The following SH3RF3 variants were observed in gnomAD, a reference collection of about 807,000 sequenced individuals.
SH3RF3 encodes SH3 domain containing ring finger 3.
In SH3RF3, 29 loss-of-function variants were observed where a neutral mutation model predicts 66.3. The ratio of observed to expected loss-of-function variants is 0.44; its 90% confidence interval spans 0.33 to 0.60. SH3RF3 has a LOEUF of 0.60. Ranked by LOEUF, SH3RF3 falls within the 20% of genes least tolerant of loss-of-function variation. The pLI is 0.04. For synonymous variants in SH3RF3, 583 were observed against 532.0 expected, an observed-to-expected ratio of 1.10 and a Z score of -1.32; for missense variants, 1,194 against 1,190.9, an observed-to-expected ratio of 1.00 and a Z score of -0.04.
intron 4 of SH3RF3, among the ~76,000 whole-genome samples, chr2:109,403,967 G>A (rs1326703448): frequency 1.3e-5 from 2 of 152,176 alleles, no homozygotes; most frequent in Non-Finnish European, 2.9e-5. Flanking sequence ...TGTTGGCTGT[G>A]GTGGCTCTTT....
intron 2 of SH3RF3, among the ~76,000 whole-genome samples, chr2:109,356,188 C>G (rs1490336827): frequency 1.3e-5 from 2 of 152,246 alleles, no homozygotes; most frequent in African/African-American, 2.4e-5. Context: ...GAGTGGCTGA[C>G]TTCCTGCACC....
At chr2:109,335,768 T>A (rs946479196) in intron 1 of SH3RF3, among the ~76,000 whole-genome samples, 1 of 152,210 alleles carries the variant, frequency 6.6e-6, no homozygotes, top group African/African-American at 2.4e-5. Flanking sequence ...TCCGATTTGC[T>A]GACTAACTGC....
chr2:109,129,929 G>T lies in SH3RF3; in HGVS notation c.389G>T (p.Ser130Ile), dbSNP rs914024688. ...GIRQRPRAGT[S>I]PGGSPPARPI... is the part of the protein sequence containing the mutation. ...CGTCAGCGGCCCCGCGCGGGCACCA[G>T]CCCCGGCGGCAGCCCGCCCGCGCGT... The change falls in exon 1 of 10, where the codon AGC becomes ATC. Residue 130 changes from serine to isoleucine, a missense_variant. Coordinates refer to ENST00000309415, the MANE Select transcript of SH3RF3 (RefSeq NM_001099289.3). 87 of 1,484,672 alleles carry T rather than the reference G, an allele frequency of 5.9e-5. No individual in the cohort carries two copies. The highest frequency in any genetic ancestry group is 7.6e-5 in the Non-Finnish European group (85 of 1,124,370). The allele number at this position is 1,484,672 out of a possible 1,614,324, so 92.0% of individuals were successfully genotyped here.
At chr2:109,384,466 A>G (rs769351242) in intron 3 of SH3RF3, among the ~76,000 whole-genome samples, 6 of 151,926 alleles carry the variant, frequency 3.9e-5, no homozygotes, top group Admixed American at 2.0e-4. Context: ...GAGGGACTCT[A>G]AGCCAGGGTG....
intron 1 of SH3RF3, among the ~76,000 whole-genome samples, chr2:109,252,789 G>T (rs1261547983): frequency 1.3e-5 from 2 of 152,172 alleles, no homozygotes; most frequent in Admixed American, 6.5e-5. Context: ...GTATAATAAA[G>T]TGTTGAATAT....
intron 9 of SH3RF3, among the ~76,000 whole-genome samples, chr2:109,500,225 T>C (rs1165458591): frequency 6.6e-6 from 1 of 152,092 alleles, no homozygotes; most frequent in Non-Finnish European, 1.5e-5. Flanking sequence ...CAAGTTGTTA[T>C]AGGCAGAGGT....
intron 1 of SH3RF3, among the ~76,000 whole-genome samples, chr2:109,253,929 C>A (rs1680155923): frequency 6.6e-6 from 1 of 151,962 alleles, no homozygotes; most frequent in African/African-American, 2.4e-5. Context: ...TCTTTAATTC[C>A]CCTTCCACAG....
In SH3RF3 at chr2:109,348,720, G is replaced by T. The variant is rs78184762; in HGVS notation, c.849+771G>T. ...AGAGGCTTTGTAACTTATCCAGGCT[G>T]CTTGCTGGGTCCTCTCTCCCTCCTG... is the stretch of plus-strand genomic sequence containing the variant. On this transcript the variant is annotated intron_variant, in intron 2 of 9. Transcript: ENST00000309415. Among the ~76,000 whole-genome samples, 1,319 of 152,210 alleles carry T rather than the reference G, an allele frequency of 8.7e-3. 12 individuals are homozygous for T. The highest frequency in any genetic ancestry group is 0.043 in the East Asian group (220 of 5,154).
intron 1 of SH3RF3, among the ~76,000 whole-genome samples, chr2:109,194,811 G>A (rs974077464): frequency 3.9e-5 from 6 of 152,240 alleles, no homozygotes; most frequent in East Asian, 1.9e-4. Context: ...TTCACAGGAC[G>A]AAAAGATTGA....
At chr2:109,201,829 T>G (rs1293506236) in intron 1 of SH3RF3, among the ~76,000 whole-genome samples, 2 of 152,206 alleles carry the variant, frequency 1.3e-5, no homozygotes, top group Non-Finnish European at 2.9e-5. Context: ...GTTATTTAAA[T>G]GGGGCATAGT....
At chr2:109,142,045 G>T (rs190487081) in intron 1 of SH3RF3, among the ~76,000 whole-genome samples, 1 of 147,582 alleles carries the variant, frequency 6.8e-6, no homozygotes, top group Non-Finnish European at 1.5e-5. Context: ...GAGTCTCCTG[G>T]GGGGGGGGTC....
At chr2:109,255,138 G>C (rs565362750) in intron 1 of SH3RF3, among the ~76,000 whole-genome samples, 31 of 152,270 alleles carry the variant, frequency 2.0e-4, no homozygotes, top group African/African-American at 6.5e-4. Flanking sequence ...GTGTGTGTCT[G>C]TGTGTGTACA....
rs900487658 is a variant in SH3RF3 at position 109,189,665 on chromosome 2, CT to C, written c.573+59553del. The stretch of plus-strand genomic sequence containing the variant: ...ATTCTCTGTTTTAAAAATTTACCCC[CT>C]ATCAATTTAATGTATTGTGTAATAA... On this transcript the variant is annotated intron_variant, in intron 1 of 9. Transcript: ENST00000309415. Among the ~76,000 whole-genome samples, 6 of 152,150 alleles carry C rather than the reference CT, an allele frequency of 3.9e-5. No homozygotes were observed. The South Asian group carries it at 8.3e-4, about 21-fold the overall frequency.
At chr2:109,424,910 G>A (rs1676988835) in intron 5 of SH3RF3, among the ~76,000 whole-genome samples, 1 of 152,204 alleles carries the variant, frequency 6.6e-6, no homozygotes, top group South Asian at 2.1e-4. Context: ...AGTTAGAAAT[G>A]ATTAAGCTTG....
At chr2:109,233,818 A>G (rs1163175945) in intron 1 of SH3RF3, among the ~76,000 whole-genome samples, 1 of 152,170 alleles carries the variant, frequency 6.6e-6, no homozygotes, top group Non-Finnish European at 1.5e-5. Flanking sequence ...GTAGCTCTTG[A>G]GTCTGGCTTC....
At chr2:109,338,433 T>C (rs767041478) in intron 1 of SH3RF3, among the ~76,000 whole-genome samples, 1 of 142,316 alleles carries the variant, frequency 7.0e-6, no homozygotes, top group Non-Finnish European at 1.5e-5. Context: ...TTAGGGAAAC[T>C]TTTTTTTTTT....
chr2:109,447,930 ACATG>A (rs1677754978), intron 7 of SH3RF3, among the ~76,000 whole-genome samples: 1 of 152,202 alleles, frequency 6.6e-6, no homozygotes, highest in Admixed American at 6.5e-5. Context: ...CGGTGCTTCG[ACATG>A]CAGGCAGAGC....
chr2:109,280,676 C>T (rs1357543520), intron 1 of SH3RF3, among the ~76,000 whole-genome samples: 1 of 152,214 alleles, frequency 6.6e-6, no homozygotes, highest in Non-Finnish European at 1.5e-5. Context: ...GTAATGTAAA[C>T]AACCTTTCTG....
At chr2:109,174,330 T>C (rs556042839) in intron 1 of SH3RF3, among the ~76,000 whole-genome samples, 1 of 152,384 alleles carries the variant, frequency 6.6e-6, no homozygotes, top group Admixed American at 6.5e-5. Context: ...GTGGGGATGC[T>C]TCCTGTGTAC....
Sources: gnomAD v4.1 joint callset for allele counts (sites outside exome capture counted in the v4.1 genomes callset) on GRCh38, gnomAD v4.1.1 for gene constraint, MANE v1.5 for transcripts, NCBI Gene and HGNC (gene_info 2026-07-23, HGNC 2026-07-21) for gene names.